Variants in SRGAP3 observed in about 807,000 individuals in gnomAD.
SRGAP3 encodes the protein SLIT-ROBO Rho GTPase activating protein 3.
Under a neutral mutation model 121.1 loss-of-function variants are expected in SRGAP3, and 39 were observed. The ratio of observed to expected loss-of-function variants is 0.32; its 90% CI spans 0.25 to 0.42. The LOEUF is 0.42. Ranked by LOEUF, SRGAP3 falls within the 10% of genes least tolerant of loss-of-function variation. SRGAP3 has a pLI of 1.00. For missense variants in SRGAP3, 1,213 were observed against 1,470.6 expected (o/e 0.82, Z 2.86); for synonymous variants, 601 against 570.0 (o/e 1.05, Z -0.77).
chr3:9,107,268 A>C (rs1318516576), intron 2 of SRGAP3, among the ~76,000 whole-genome samples: 1 of 152,206 alleles, frequency 6.6e-6, no homozygotes. Context: ...GCCGTGATGC[A>C]CACTCTGCCT....
chr3:9,302,817 G>C (rs1017052974), intron 3 of SRGAP3, among the ~76,000 whole-genome samples: 10 of 152,088 alleles, frequency 6.6e-5, no homozygotes, highest in African/African-American at 2.2e-4. Flanking sequence ...AGTCTCCCGG[G>C]TACAAGGGGG....
At chr3:9,250,641 A>G (rs1421338656), upstream of SRGAP3, among the ~76,000 whole-genome samples, 1 of 152,216 alleles carries the variant, frequency 6.6e-6, no homozygotes, top group Non-Finnish European at 1.5e-5. Flanking sequence ...GGTGCATAGC[A>G]AGCACTCAAT....
At chr3:9,348,774 T>G (rs1559288024) in intron 1 of SRGAP3, 5 of 1,367,248 alleles carry the variant, frequency 3.7e-6, no homozygotes, top group Admixed American at 3.4e-5. Context: ...GAGGCCCAGG[T>G]GAAGATCTGG....
chr3:9,211,669 T>C (rs914092171), intron 1 of SRGAP3, among the ~76,000 whole-genome samples: 7 of 147,590 alleles, frequency 4.7e-5, no homozygotes, highest in East Asian at 2.0e-4. Flanking sequence ...TCTTTTCTTT[T>C]TTTTTTTTTT....
At chr3:9,225,092 A>G (rs1404048889) in intron 1 of SRGAP3, among the ~76,000 whole-genome samples, 1 of 152,182 alleles carries the variant, frequency 6.6e-6, no homozygotes, top group Non-Finnish European at 1.5e-5. Flanking sequence ...CCCAAACTTC[A>G]TAAAAAGATT....
At chr3:9,133,663 C>T (rs866971485) in intron 1 of SRGAP3, among the ~76,000 whole-genome samples, 19 of 152,282 alleles carry the variant, frequency 1.2e-4, no homozygotes, top group Middle Eastern at 6.8e-3. Flanking sequence ...AATGAATAAT[C>T]ATACACAGGC....
chr3:9,041,970 G>A (rs113107864), intron 10 of SRGAP3, among the ~76,000 whole-genome samples: 6 of 151,906 alleles, frequency 3.9e-5, no homozygotes, highest in East Asian at 1.9e-4. Context: ...GCGTGGTGGC[G>A]GACACCTGTA....
At chr3:9,038,315 G>T (rs1223555949) in intron 10 of SRGAP3, among the ~76,000 whole-genome samples, 2 of 152,212 alleles carry the variant, frequency 1.3e-5, no homozygotes. Flanking sequence ...ATTGTTCACA[G>T]ACATATTTTC....
intron 2 of SRGAP3, among the ~76,000 whole-genome samples, chr3:9,116,964 G>A (rs540672993): frequency 1.4e-4 from 22 of 152,188 alleles, no homozygotes; most frequent in African/African-American, 4.8e-4. Flanking sequence ...CTTGGTCCAC[G>A]GTGATGTGGA....
rs1947556649 is a variant in SRGAP3 at position 9,087,562 on chromosome 3, G to T, written c.424-7475C>A. 1.3e-5 allele frequency among the ~76,000 whole-genome samples: 2 copies of T among 152,174 alleles called. 1 individual carries two copies. Among genetic ancestry groups the T allele is most frequent in the South Asian group, 4.1e-4 (2 of 4,824 alleles). On this transcript the variant is annotated intron_variant, in intron 3 of 21. Coordinates refer to ENST00000383836, the MANE Select transcript of SRGAP3 (RefSeq NM_014850.4). ...GATACTTCCAAGGCCTTCTTAGCTTGCATGAATGGCTGGAGACAGCCTTCT... is the reference window on the plus strand; with the variant it reads ...GATACTTCCAAGGCCTTCTTAGCTTTCATGAATGGCTGGAGACAGCCTTCT...
At chr3:9,205,098 G>C (rs1322874263) in intron 1 of SRGAP3, among the ~76,000 whole-genome samples, 1 of 152,222 alleles carries the variant, frequency 6.6e-6, no homozygotes, top group Non-Finnish European at 1.5e-5. Flanking sequence ...CACCCAGAAA[G>C]TTGCTGATTA....
chr3:9,328,466 T>G (rs1217744278), intron 2 of SRGAP3, among the ~76,000 whole-genome samples: 2 of 152,222 alleles, frequency 1.3e-5, no homozygotes, highest in African/African-American at 4.8e-5. Flanking sequence ...GAATATCCAC[T>G]TTTAATTAAG....
chr3:9,249,688 C>A, upstream of SRGAP3: 1 of 232,106 alleles, frequency 4.3e-6, no homozygotes, highest in South Asian at 1.8e-4. Flanking sequence ...CCACTGCTCA[C>A]GTCACTAGAC....
At chr3:9,294,556 A>AC (rs1237527971) in intron 3 of SRGAP3, among the ~76,000 whole-genome samples, 1 of 151,862 alleles carries the variant, frequency 6.6e-6, no homozygotes, top group Non-Finnish European at 1.5e-5. Flanking sequence ...CAAACAAAAA[A>AC]AAACACCAAT....
intron 3 of SRGAP3, among the ~76,000 whole-genome samples, chr3:9,286,506 A>T (rs1199280054): frequency 1.3e-5 from 2 of 151,672 alleles, no homozygotes; most frequent in African/African-American, 4.8e-5. Context: ...ATTTTTTTTT[A>T]AATCCAAGAT....
In SRGAP3 at chr3:9,063,124, C is replaced by CTTT. The variant is rs766958753; in HGVS notation, c.672+1269_672+1271dup. ...TTTAATCACTAATAATAGAGACAAT[C>CTTT]TTTTTTTTTTTTTTTTTTTTTTTTT... On this transcript the variant is annotated intron_variant, in intron 5 of 21. Transcript: ENST00000383836. 1.2e-3 allele frequency among the ~76,000 whole-genome samples: 93 copies of CTTT among 80,010 alleles called. 4 individuals carry two copies. Among genetic ancestry groups the CTTT allele is most frequent in the African/African-American group, 4.0e-3 (77 of 19,080 alleles). The allele number at this position is 80,010 out of a possible 152,430, so 52.5% of individuals were successfully genotyped here.
chr3:9,229,303 G>A (rs889419107), intron 1 of SRGAP3, among the ~76,000 whole-genome samples: 5 of 152,118 alleles, frequency 3.3e-5, no homozygotes, highest in East Asian at 1.9e-4. Flanking sequence ...AGGTAGGCCT[G>A]GTCACATCTG....
At chr3:9,105,689 CAGAT>C (rs1948396884) in intron 2 of SRGAP3, among the ~76,000 whole-genome samples, 1 of 152,162 alleles carries the variant, frequency 6.6e-6, no homozygotes, top group South Asian at 2.1e-4. Context: ...CTGAGAACCA[CAGAT>C]CCTTATACTA....
At chr3:9,294,835 C>T (rs976055889) in intron 3 of SRGAP3, among the ~76,000 whole-genome samples, 3 of 151,882 alleles carry the variant, frequency 2.0e-5, no homozygotes, top group Non-Finnish European at 4.4e-5. Flanking sequence ...ATTTGATGAC[C>T]TGCTTATGCC....
Sources: allele counts gnomAD v4.1 joint callset (sites outside exome capture counted in the v4.1 genomes callset), GRCh38; gene constraint gnomAD v4.1.1; transcripts MANE v1.5; gene names NCBI Gene and HGNC (gene_info 2026-07-23, HGNC 2026-07-21).